CEP85L: variants seen among roughly 807,000 people sequenced by gnomAD.
CEP85L encodes centrosomal protein 85L.
CEP85L carries 60 observed loss-of-function variants against 100.3 expected under a neutral mutation model. That is an observed-to-expected ratio of 0.60 (90% confidence interval 0.49 to 0.74). The LOEUF is 0.74. Ranked by LOEUF, CEP85L falls within the 30% of genes least tolerant of loss-of-function variation. The pLI, the probability that CEP85L is intolerant of heterozygous loss-of-function variation, is 0.00. For missense variants in CEP85L, 973 were observed against 936.2 expected (o/e 1.04, Z -0.51); for synonymous variants, 319 against 322.7 (o/e 0.99, Z 0.12).
rs556644247 is a variant in CEP85L at position 118,511,820 on chromosome 6, C to T, written c.1140-405G>A. ...CAAGTAAGTTGTATGTTTCAGGTTG[C>T]ATCAAAAGACCTTGTTCTACTCAGG... On this transcript the variant is annotated intron_variant, in intron 4 of 12. Coordinates refer to ENST00000368491, the MANE Select transcript of CEP85L (RefSeq NM_001042475.3). 3.9e-5 allele frequency among the ~76,000 whole-genome samples: 6 copies of T among 152,162 alleles called. No homozygotes were observed. The East Asian group carries it at 1.2e-3, about 29-fold the overall frequency.
Position 118,569,804 on chromosome 6 carries a change from C to G in CEP85L, c.233-3488G>C, listed in dbSNP as rs537349020. Among the ~76,000 whole-genome samples the G allele has an allele frequency of 2.6e-5, 4 of 151,548 alleles. No individual in the cohort carries two copies. In the South Asian group the frequency reaches 8.3e-4, roughly 31 times the overall value. On this transcript the variant is annotated intron_variant, in intron 2 of 12. Transcript: ENST00000368491. ...TCAACAAAAAAAAAACCTAGCAACT[C>G]AATTTTAAAATAGGCCAAAAAAATT...
intron 1 of CEP85L, among the ~76,000 whole-genome samples, chr6:118,634,718 T>C (rs1345432657): frequency 7.0e-6 from 1 of 142,118 alleles, no homozygotes; most frequent in Non-Finnish European, 1.5e-5. Context: ...CTGTAATCTA[T>C]ACCAAAATTT....
chr6:118,604,726 T>G (rs1772065560), intron 2 of CEP85L, among the ~76,000 whole-genome samples: 1 of 152,238 alleles, frequency 6.6e-6, no homozygotes. Flanking sequence ...AGGCCTTATC[T>G]AGAATCTAAT....
intron 1 of CEP85L, among the ~76,000 whole-genome samples, chr6:118,663,852 G>C (rs1304834195): frequency 2.6e-5 from 4 of 151,776 alleles, no homozygotes; most frequent in Non-Finnish European, 5.9e-5. Flanking sequence ...CACAATGTAA[G>C]TGCTATGTAA....
intron 9 of CEP85L, 44 bp downstream of exon 9, chr6:118,480,352 A>C (rs761408642): frequency 1.9e-6 from 2 of 1,055,028 alleles, no homozygotes; most frequent in Non-Finnish European, 2.9e-6. Context: ...ACACATATCC[A>C]CATAGCATAG....
chr6:118,468,991 G>C, intron 12 of CEP85L, 81 bp downstream of exon 12: 1 of 903,156 alleles, frequency 1.1e-6, no homozygotes, highest in South Asian at 1.5e-5. Context: ...AATAAACAGA[G>C]AAAAGGCAGT....
intron 2 of CEP85L, among the ~76,000 whole-genome samples, chr6:118,587,171 T>C (rs1469988786): frequency 6.6e-6 from 1 of 152,210 alleles, no homozygotes; most frequent in African/African-American, 2.4e-5. Flanking sequence ...CTCACCATCT[T>C]AGGATTCCCT....
rs533742393 is a variant in CEP85L, at chr6:118,477,630, A to C, written c.1914+2241T>G. Among the ~76,000 whole-genome samples the C allele has an allele frequency of 2.6e-5, 4 of 152,260 alleles. No individual in the cohort carries two copies. In the East Asian group the frequency reaches 7.7e-4, roughly 29 times the overall value. On this transcript the variant is annotated intron_variant, in intron 10 of 12. Transcript: ENST00000368491. The stretch of plus-strand genomic sequence containing the variant: ...CCAAGGAAATGCAGTGCACCAAATC[A>C]AGACAAGTGAACTTCAAACAAATTT...
At chr6:118,593,646 G>C (rs1781310836) in intron 2 of CEP85L, among the ~76,000 whole-genome samples, 1 of 150,962 alleles carries the variant, frequency 6.6e-6, no homozygotes, top group African/African-American at 2.4e-5. Flanking sequence ...ACATGAGATT[G>C]GTGGGGGGAG....
At chr6:118,600,283 CCCTG>C (rs1372724775) in intron 2 of CEP85L, among the ~76,000 whole-genome samples, 1 of 61,538 alleles carries the variant, frequency 1.6e-5, no homozygotes, top group Non-Finnish European at 3.4e-5. Flanking sequence ...TACTGCCTGT[CCCTG>C]AGCCTTCCTG....
intron 3 of CEP85L, chr6:118,537,385 C>T (rs933390579): frequency 3.2e-6 from 1 of 315,094 alleles, no homozygotes; most frequent in Non-Finnish European, 4.6e-6. Flanking sequence ...TTAGTAGCTG[C>T]CAAACTCAGG....
rs78305295 is a variant in CEP85L, at chr6:118,461,019, CTTTTT to C, written c.*4381_*4385del. 7.1e-6 allele frequency: 1 copy of C among 139,910 alleles called. No homozygotes were observed. Among genetic ancestry groups the C allele is most frequent in the Non-Finnish European group, 1.6e-5 (1 of 63,706 alleles). 8.7% of individuals were successfully genotyped at this position (139,910 alleles called of 1,614,324 possible). On this transcript the variant is annotated 3_prime_UTR_variant, in exon 13 of 13. Coordinates refer to ENST00000368491, the MANE Select transcript of CEP85L (RefSeq NM_001042475.3). The stretch of plus-strand genomic sequence containing the variant: ...ATAAGCCAACCAGTGGCTTCACATT[CTTTTT>C]TTTTTTTTTTAAACAATAACTGTAT...
chr6:118,661,010 C>G (rs1035941879), intron 1 of CEP85L, among the ~76,000 whole-genome samples: 5 of 152,060 alleles, frequency 3.3e-5, no homozygotes, highest in African/African-American at 9.7e-5. Context: ...CTCAGCCTCC[C>G]CAGTAGCTGG....
intron 1 of CEP85L, among the ~76,000 whole-genome samples, chr6:118,635,303 A>G (rs998156927): frequency 1.3e-5 from 2 of 152,208 alleles, no homozygotes; most frequent in Admixed American, 6.5e-5. Flanking sequence ...ATGGAAGAAC[A>G]TCCAGAATAT....
chr6:118,666,848 T>C (rs2115417869), intron 1 of CEP85L, among the ~76,000 whole-genome samples: 1 of 152,196 alleles, frequency 6.6e-6, no homozygotes, highest in South Asian at 2.1e-4. Flanking sequence ...GTTTGGAAAC[T>C]CAAAATTTCT....
At chr6:118,647,605 G>A (rs1450945450) in intron 1 of CEP85L, among the ~76,000 whole-genome samples, 2 of 152,084 alleles carry the variant, frequency 1.3e-5, no homozygotes, top group Admixed American at 6.5e-5. Flanking sequence ...CAAGTGATCC[G>A]CCCACCTCGG....
intron 2 of CEP85L, among the ~76,000 whole-genome samples, chr6:118,581,374 AC>A (rs989986787): frequency 6.6e-6 from 1 of 152,018 alleles, no homozygotes; most frequent in Non-Finnish European, 1.5e-5. Context: ...ATCTAGCATA[AC>A]CCCTCCATTA....
At chr6:118,511,472 A>G (rs1775966955) in intron 4 of CEP85L, 57 bp from the exon 5 acceptor site, 2 of 1,080,838 alleles carry the variant, frequency 1.9e-6, no homozygotes, top group Non-Finnish European at 2.8e-6. Context: ...TAGTTAGAAG[A>G]ACCTTAAGGA....
At chr6:118,622,966 G>A (rs536840227) in intron 2 of CEP85L, among the ~76,000 whole-genome samples, 8 of 152,310 alleles carry the variant, frequency 5.3e-5, no homozygotes, top group African/African-American at 7.2e-5. Context: ...TTCCCCAAGC[G>A]AAACAGAATG....
Sources: allele counts gnomAD v4.1 joint callset (sites outside exome capture counted in the v4.1 genomes callset), GRCh38; gene constraint gnomAD v4.1.1; transcripts MANE v1.5; gene names NCBI Gene and HGNC (gene_info 2026-07-23, HGNC 2026-07-21).